SORCS1: variants seen among roughly 807,000 people sequenced by gnomAD.
The protein encoded by SORCS1 is sortilin related VPS10 domain containing receptor 1, also known as VPS10 domain-containing receptor SorCS1.
In SORCS1, 60 loss-of-function variants were observed where a neutral mutation model predicts 146.1. That is an observed-to-expected ratio of 0.41 (90% CI 0.33 to 0.51). The LOEUF is 0.51. Ranked by LOEUF, SORCS1 falls within the 20% of genes least tolerant of loss-of-function variation. The pLI is 0.21. For missense variants in SORCS1, 1,352 were observed against 1,487.6 expected (o/e 0.91, Z 1.50); for synonymous variants, 637 against 584.0 (o/e 1.09, Z -1.31).
intron 18 of SORCS1, among the ~76,000 whole-genome samples, chr10:106,631,111 A>G (rs1218431780): frequency 6.6e-6 from 1 of 152,250 alleles, no homozygotes; most frequent in Non-Finnish European, 1.5e-5. Flanking sequence ...CATTTAAAAG[A>G]TTAATTCACA....
intron 4 of SORCS1, among the ~76,000 whole-genome samples, chr10:106,764,335 T>A (rs1199206656): frequency 6.6e-6 from 1 of 152,194 alleles, no homozygotes; most frequent in Non-Finnish European, 1.5e-5. Flanking sequence ...GTTAACGTGT[T>A]AATTAAACCT....
intron 2 of SORCS1, among the ~76,000 whole-genome samples, chr10:106,839,847 G>A (rs910873496): frequency 6.6e-6 from 1 of 152,138 alleles, no homozygotes; most frequent in Non-Finnish European, 1.5e-5. Context: ...TTCTCCTTGT[G>A]CTCTATACAT....
chr10:106,790,625 T>G (rs1007962240), intron 3 of SORCS1, among the ~76,000 whole-genome samples: 1 of 152,176 alleles, frequency 6.6e-6, no homozygotes, highest in African/African-American at 2.4e-5. Flanking sequence ...ATAAAACAAA[T>G]GTAAGCCTCA....
At chr10:106,785,022 C>T (rs1945990741) in intron 3 of SORCS1, among the ~76,000 whole-genome samples, 1 of 152,180 alleles carries the variant, frequency 6.6e-6, no homozygotes, top group South Asian at 2.1e-4. Context: ...TCATCCCTTG[C>T]TGTATTTGTA....
chr10:106,870,903 A>G (rs985020700), intron 2 of SORCS1, among the ~76,000 whole-genome samples: 1 of 152,226 alleles, frequency 6.6e-6, no homozygotes, highest in Non-Finnish European at 1.5e-5. Context: ...AACTATCAAC[A>G]GAATAAACAG....
chr10:107,157,677 C>T (rs1183111181), intron 1 of SORCS1, among the ~76,000 whole-genome samples: 2 of 152,192 alleles, frequency 1.3e-5, no homozygotes, highest in Non-Finnish European at 1.5e-5. Context: ...CTCCTATCTA[C>T]ATTCTAGGAT....
intron 1 of SORCS1, among the ~76,000 whole-genome samples, chr10:107,157,461 C>T (rs1483562257): frequency 6.6e-6 from 1 of 151,964 alleles, no homozygotes; most frequent in African/African-American, 2.4e-5. Context: ...CTTATAGAAT[C>T]GTGGTGAGAA....
intron 18 of SORCS1, among the ~76,000 whole-genome samples, chr10:106,635,358 G>T (rs2133621498): frequency 6.6e-6 from 1 of 152,250 alleles, no homozygotes; most frequent in Admixed American, 6.5e-5. Context: ...TTGGAAGAAA[G>T]CAGAAACCAC....
intron 1 of SORCS1, among the ~76,000 whole-genome samples, chr10:107,079,819 A>C (rs1234421008): frequency 6.6e-6 from 1 of 152,218 alleles, no homozygotes; most frequent in Non-Finnish European, 1.5e-5. Context: ...CTAACACAGA[A>C]GCCAGGATTT....
intron 21 of SORCS1, 39 bp downstream of exon 21, chr10:106,618,110 C>CACG: frequency 6.2e-7 from 1 of 1,611,836 alleles, no homozygotes; most frequent in East Asian, 2.2e-5. Context: ...CTCCTCTGAG[C>CACG]ATGAAGACAG....
chr10:107,086,480 A>G (rs1963769945), intron 1 of SORCS1, among the ~76,000 whole-genome samples: 1 of 152,254 alleles, frequency 6.6e-6, no homozygotes, highest in Admixed American at 6.5e-5. Context: ...ACTATAAATA[A>G]TATGGCATGT....
At chr10:106,684,786 A>G (rs558938505) in intron 10 of SORCS1, among the ~76,000 whole-genome samples, 3 of 152,252 alleles carry the variant, frequency 2.0e-5, no homozygotes, top group African/African-American at 4.8e-5. Context: ...TCACAATCGA[A>G]ATCACTTTTT....
chr10:106,805,620 G>C (rs1243671802), intron 3 of SORCS1, among the ~76,000 whole-genome samples: 1 of 152,140 alleles, frequency 6.6e-6, no homozygotes, highest in East Asian at 1.9e-4. Context: ...CCTGCCTGTT[G>C]ACTCACTTGC....
At chr10:107,175,168 A>G in the SORCS1 span, among the ~76,000 whole-genome samples, 4 of 152,182 alleles carry the variant, frequency 2.6e-5, no homozygotes, top group Non-Finnish European at 2.9e-5. Flanking sequence ...TATTTTGTTT[A>G]GGATTTTTGC....
chr10:106,840,980 C>T (rs1465989370), intron 2 of SORCS1, among the ~76,000 whole-genome samples: 2 of 151,138 alleles, frequency 1.3e-5, no homozygotes, highest in Non-Finnish European at 2.9e-5. Context: ...CTCAGCCTCC[C>T]GAGTAGCTGG....
intron 17 of SORCS1, among the ~76,000 whole-genome samples, chr10:106,664,395 C>CA (rs1281402192): frequency 6.6e-6 from 1 of 152,170 alleles, no homozygotes; most frequent in African/African-American, 2.4e-5. Context: ...GTAATCCCAG[C>CA]ACTTTGGGAG....
intron 1 of SORCS1, among the ~76,000 whole-genome samples, chr10:107,039,200 C>T (rs901750738): frequency 6.6e-6 from 1 of 151,182 alleles, no homozygotes; most frequent in African/African-American, 2.4e-5. Context: ...TAGTGGCGGG[C>T]GCCTGTAATC....
At chr10:106,884,313 C>T (rs907907880) in intron 2 of SORCS1, among the ~76,000 whole-genome samples, 7 of 152,120 alleles carry the variant, frequency 4.6e-5, no homozygotes, top group Admixed American at 2.0e-4. Flanking sequence ...GCTGAGATAA[C>T]GTAAGATTAT....
At chr10:106,867,601 G>GA (rs767338658) in intron 2 of SORCS1, among the ~76,000 whole-genome samples, 4 of 151,314 alleles carry the variant, frequency 2.6e-5, no homozygotes, top group East Asian at 3.9e-4. Context: ...CATTCTTAAA[G>GA]AAAAAAAAAT....
Sources: allele counts gnomAD v4.1 joint callset (sites outside exome capture counted in the v4.1 genomes callset), GRCh38; gene constraint gnomAD v4.1.1; transcripts MANE v1.5; gene names NCBI Gene and HGNC (gene_info 2026-07-23, HGNC 2026-07-21).